Variants in GPR39 observed in about 807,000 individuals in gnomAD.
GPR39 encodes the protein zinc sensing receptor.
A neutral mutation model predicts 18.4 loss-of-function variants in GPR39; 23 were observed. That is an observed-to-expected ratio of 1.25 (90% CI 0.90 to 1.77). The LOEUF (loss-of-function observed/expected upper bound fraction) is 1.77. GPR39 is among the 40% of genes most tolerant of loss of function. The probability of loss-of-function intolerance (pLI) is 0.00; values close to 1 mark genes in which losing one functional copy is unlikely to be tolerated. For missense variants in GPR39, 647 were observed against 602.4 expected, an observed-to-expected ratio of 1.07 and a Z score of -0.78; for synonymous variants, 280 against 257.9, an observed-to-expected ratio of 1.09 and a Z score of -0.82.
intron 1 of GPR39, among the ~76,000 whole-genome samples, chr2:132,637,514 T>C (rs936676115): frequency 7.2e-5 from 11 of 152,246 alleles, no homozygotes; most frequent in African/African-American, 2.7e-4. Flanking sequence ...TTACATCATT[T>C]TGAAGTTGTG....
chr2:132,645,373 C>T lies in GPR39; in HGVS notation c.1129C>T (p.His377Tyr). Residue 377 changes from histidine to tyrosine, a missense_variant, in exon 2 of 2, where the codon CAT (histidine) becomes TAT (tyrosine). His to Tyr is a moderately conservative substitution (Grantham distance 83). Around this residue, in one of 3 missense-constraint regions of GPR39, gnomAD observed 581 missense variants for 506.8 expected, o/e 1.15. Coordinates refer to ENST00000329321, the MANE Select transcript of GPR39 (RefSeq NM_001508.3). ...HANHEKRLRV[H>Y]AHSTTDSARF... ...CAACCACGAGAAGCGCCTGCGCGTACATGCGCACTCCACCACCGACAGCGC... is the reference window on the plus strand; with the variant it reads ...CAACCACGAGAAGCGCCTGCGCGTATATGCGCACTCCACCACCGACAGCGC... 2 of 1,613,918 alleles carry T rather than the reference C, an allele frequency of 1.2e-6. No homozygotes were observed. The highest frequency in any genetic ancestry group is 4.5e-5 in the East Asian group (2 of 44,884).
chr2:132,618,487 C>T (rs1454621192), intron 1 of GPR39, among the ~76,000 whole-genome samples: 1 of 152,164 alleles, frequency 6.6e-6, no homozygotes, highest in Non-Finnish European at 1.5e-5. Flanking sequence ...ACAAATGTGA[C>T]AATAGATGGA....
intron 1 of GPR39, among the ~76,000 whole-genome samples, chr2:132,456,749 G>A (rs1488121966): frequency 6.6e-6 from 1 of 152,110 alleles, no homozygotes. Context: ...GCTTAGTTTG[G>A]CTGGATATGA....
intron 1 of GPR39, among the ~76,000 whole-genome samples, chr2:132,461,930 A>G (rs1426828702): frequency 6.6e-6 from 1 of 152,128 alleles, no homozygotes. Flanking sequence ...GAAGCCCCAG[A>G]CTTTCATTCT....
intron 1 of GPR39, among the ~76,000 whole-genome samples, chr2:132,556,259 G>A (rs920832149): frequency 8.5e-5 from 13 of 152,200 alleles, no homozygotes; most frequent in Non-Finnish European, 1.6e-4. Context: ...CAGAGAGACA[G>A]TATATGGACA....
chr2:132,524,593 A>G (rs934509698), intron 1 of GPR39, among the ~76,000 whole-genome samples: 1 of 152,190 alleles, frequency 6.6e-6, no homozygotes, highest in African/African-American at 2.4e-5. Context: ...CTGCTGCTAC[A>G]TGATGCTGTC....
In GPR39 at chr2:132,460,938, C is replaced by T. The variant is rs139188092; in HGVS notation, c.856+43040C>T. Among the ~76,000 whole-genome samples the T allele has an allele frequency of 2.0e-3, 302 of 152,172 alleles. 2 individuals are homozygous for T. Among genetic ancestry groups the T allele is most frequent in the African/African-American group, 6.5e-3 (268 of 41,512 alleles). ...AGGCTGCCAGGGACATCCTGGAACT[C>T]GTTGGCACAGCCCAGGATTTTACAT... On this transcript the variant is annotated intron_variant, in intron 1 of 1. Coordinates refer to ENST00000329321, the MANE Select transcript of GPR39 (RefSeq NM_001508.3).
intron 1 of GPR39, among the ~76,000 whole-genome samples, chr2:132,466,368 C>CT (rs1680927569): frequency 6.6e-6 from 1 of 152,140 alleles, no homozygotes; most frequent in African/African-American, 2.4e-5. Context: ...GATGATTGTC[C>CT]TTTTTTTCAA....
intron 1 of GPR39, among the ~76,000 whole-genome samples, chr2:132,538,748 C>T (rs918749154): frequency 6.6e-6 from 1 of 152,216 alleles, no homozygotes; most frequent in African/African-American, 2.4e-5. Flanking sequence ...GGATTTGCTG[C>T]AGAGATGCCC....
At chr2:132,620,673 C>T (rs1681425960) in intron 1 of GPR39, among the ~76,000 whole-genome samples, 2 of 152,210 alleles carry the variant, frequency 1.3e-5, no homozygotes, top group Admixed American at 6.5e-5. Flanking sequence ...GACACTTCCC[C>T]TCGCCTCTCT....
chr2:132,570,186 C>T lies in GPR39; in HGVS notation c.857-74915C>T, dbSNP rs576589284. On this transcript the variant is annotated intron_variant, in intron 1 of 1. Coordinates refer to ENST00000329321, the MANE Select transcript of GPR39 (RefSeq NM_001508.3). ...TCCCCAGTGTCTACAGTCCTTGTTT[C>T]CTCCTTTCTTTCTTCCACCTTTATC... Among the ~76,000 whole-genome samples the T allele has an allele frequency of 7.9e-5, 12 of 152,202 alleles. No individual in the cohort carries two copies. In the South Asian group the frequency reaches 1.2e-3, roughly 16 times the overall value.
At chr2:132,437,613 C>T (rs372932675) in intron 1 of GPR39, among the ~76,000 whole-genome samples, 9 of 152,192 alleles carry the variant, frequency 5.9e-5, no homozygotes, top group African/African-American at 2.2e-4. Context: ...TGGGGGTCTT[C>T]TCTGCCAGCC....
At chr2:132,512,655 C>T (rs1679261659) in intron 1 of GPR39, among the ~76,000 whole-genome samples, 1 of 152,188 alleles carries the variant, frequency 6.6e-6, no homozygotes, top group African/African-American at 2.4e-5. Context: ...ATAGTTTTCA[C>T]CTAATGGAGT....
intron 1 of GPR39, among the ~76,000 whole-genome samples, chr2:132,643,365 G>A (rs2104881186): frequency 6.6e-6 from 1 of 152,304 alleles, no homozygotes; most frequent in Admixed American, 6.5e-5. Context: ...AAGGAGAAGA[G>A]TTTCCAAGGC....
chr2:132,639,031 T>A (rs74752053), intron 1 of GPR39, among the ~76,000 whole-genome samples: 3,738 of 152,184 alleles, frequency 0.025, 150 homozygotes, highest in African/African-American at 0.087. Flanking sequence ...TCTCCTTAAC[T>A]TTCTGTGTGA....
chr2:132,585,688 C>T (rs1223472685), intron 1 of GPR39, among the ~76,000 whole-genome samples: 1 of 151,480 alleles, frequency 6.6e-6, no homozygotes, highest in Non-Finnish European at 1.5e-5. Context: ...GTGGAGTGGA[C>T]GGGCAAGGGG....
At chr2:132,465,449 A>G (rs759206921) in intron 1 of GPR39, among the ~76,000 whole-genome samples, 2 of 152,210 alleles carry the variant, frequency 1.3e-5, no homozygotes, top group Non-Finnish European at 2.9e-5. Flanking sequence ...TGCTGCTGGT[A>G]TTGGCAATGA....
chr2:132,579,755 T>C (rs1023985966), intron 1 of GPR39, among the ~76,000 whole-genome samples: 3 of 152,142 alleles, frequency 2.0e-5, no homozygotes, highest in African/African-American at 7.2e-5. Flanking sequence ...AACAAATGTC[T>C]TTTGGAGTCT....
intron 1 of GPR39, among the ~76,000 whole-genome samples, chr2:132,463,458 T>C (rs1680869633): frequency 6.6e-6 from 1 of 151,706 alleles, no homozygotes; most frequent in Non-Finnish European, 1.5e-5. Flanking sequence ...TTAAGGCTCT[T>C]CCCTCCCCAC....
Sources: allele counts gnomAD v4.1 joint callset (sites outside exome capture counted in the v4.1 genomes callset), GRCh38; gene constraint gnomAD v4.1.1; regional missense constraint gnomAD v4.1.1; transcripts MANE v1.5; gene names NCBI Gene and HGNC (gene_info 2026-07-23, HGNC 2026-07-21).